TBC1D9: variants seen among roughly 807,000 people sequenced by gnomAD.
TBC1D9 encodes the protein TBC1 domain family member 9.
A neutral mutation model predicts 132.0 loss-of-function variants in TBC1D9; 63 were observed. The observed-to-expected ratio is 0.48, with a 90% CI of 0.39 to 0.59. The LOEUF (loss-of-function observed/expected upper bound fraction) is 0.59. Among genes scored for constraint, TBC1D9 ranks in the 20% least tolerant of loss-of-function variants. TBC1D9 has a pLI of 0.00. For synonymous variants in TBC1D9, 610 were observed against 609.9 expected, an observed-to-expected ratio of 1.00 and a Z score of 0.00; for missense variants, 1,261 against 1,592.7, an observed-to-expected ratio of 0.79 and a Z score of 3.54.
intron 6 of TBC1D9, among the ~76,000 whole-genome samples, chr4:140,675,660 T>C (rs555471168): frequency 5.9e-5 from 9 of 152,280 alleles, no homozygotes; most frequent in Non-Finnish European, 1.2e-4. Flanking sequence ...GGCCTGTAAA[T>C]GTATTAAAAC....
In TBC1D9 at chr4:140,719,115, AAAATAAATAAATAAAT is replaced by A. The variant is rs200581012; in HGVS notation, c.131-17517_131-17502del. On this transcript the variant is annotated intron_variant, in intron 1 of 20. Coordinates refer to ENST00000442267, the MANE Select transcript of TBC1D9 (RefSeq NM_015130.3). ...GGGCGACAGAGCAGGACTCCATCTC[AAAATAAATAAATAAAT>A]AAATAAATAAATAAATAAATAAATA... is the stretch of plus-strand genomic sequence containing the variant. Among the ~76,000 whole-genome samples the A allele has an allele frequency of 8.5e-3, 1,199 of 141,408 alleles. 11 individuals carry two copies. Among genetic ancestry groups the A allele is most frequent in the African/African-American group, 0.012 (468 of 37,790 alleles). The allele number at this position is 141,408 out of a possible 152,430, so 92.8% of individuals were successfully genotyped here. A position where few individuals can be genotyped will look rare whatever the true frequency, so the allele number is the denominator to read the frequency against.
rs1738152033 is a variant in TBC1D9 at position 140,706,357 on chromosome 4, C to G, written c.131-4743G>C. On this transcript the variant is annotated intron_variant, in intron 1 of 20. Coordinates refer to ENST00000442267, the MANE Select transcript of TBC1D9 (RefSeq NM_015130.3). This position sits in a 1 kb window ranked among gnomAD's most constrained non-coding sequence, Gnocchi z 4.0. ...AGTGGGCTCAGCTTTGGCTCACATA[C>G]CAGCCAGTCCCTTAATCTCTCTGTG... 6.6e-6 allele frequency among the ~76,000 whole-genome samples: 1 copy of G among 152,102 alleles called. No individual in the cohort carries two copies. The highest frequency in any genetic ancestry group is 2.1e-4 in the South Asian group (1 of 4,814).
rs1052947133 is a variant in TBC1D9 at position 140,657,441 on chromosome 4, T to A, written c.2207+86A>T. The A allele has an allele frequency of 2.1e-6, 3 of 1,441,134 alleles. No individual in the cohort carries two copies. In the African/African-American group the frequency reaches 4.3e-5, roughly 21 times the overall value. 89.3% of individuals were successfully genotyped at this position (1,441,134 alleles called of 1,614,324 possible). ...GAAGAAGCGGGCATTATGATCACCA[T>A]CAAATCAGTTAAGACTCATGAAATG... On this transcript the variant is annotated intron_variant, in intron 12 of 20. Coordinates refer to ENST00000442267, the MANE Select transcript of TBC1D9 (RefSeq NM_015130.3).
intron 13 of TBC1D9, chr4:140,643,512 G>A (rs1436790310): frequency 4.5e-6 from 4 of 884,062 alleles, no homozygotes; most frequent in African/African-American, 1.6e-5. Flanking sequence ...CTCCAGTCTC[G>A]GGCACTCTCC....
chr4:140,643,385 C>A, intron 13 of TBC1D9: 1 of 1,167,592 alleles, frequency 8.6e-7, no homozygotes. Context: ...TGGCCTGGGG[C>A]AGCTCCATGG....
At chr4:140,681,181 C>A (rs971351224) in intron 3 of TBC1D9, among the ~76,000 whole-genome samples, 1 of 152,158 alleles carries the variant, frequency 6.6e-6, no homozygotes, top group African/African-American at 2.4e-5. Context: ...CTGAACATGT[C>A]ATTTCTGCAC....
At chr4:140,629,965 C>G (rs977009593) in intron 16 of TBC1D9, among the ~76,000 whole-genome samples, 4 of 152,130 alleles carry the variant, frequency 2.6e-5, no homozygotes, top group Admixed American at 6.5e-5. Context: ...ATTATTACTC[C>G]TATTTTACAG....
rs74920004 is a variant in TBC1D9, at chr4:140,742,754, C to A, written c.130+13162G>T. Among the ~76,000 whole-genome samples the A allele has an allele frequency of 9.9e-5, 15 of 152,172 alleles. No individual in the cohort carries two copies. The East Asian group carries it at 2.9e-3, about 29-fold the overall frequency. On this transcript the variant is annotated intron_variant, in intron 1 of 20. Coordinates refer to ENST00000442267, the MANE Select transcript of TBC1D9 (RefSeq NM_015130.3). ...CCAAAGAGAAAAGGTGACCCCTCCT[C>A]CTGTCTTTCCCACTCCAGTCCTCTC... is the stretch of plus-strand genomic sequence containing the variant.
At chr4:140,726,724 C>A (rs904286645) in intron 1 of TBC1D9, among the ~76,000 whole-genome samples, 1 of 152,154 alleles carries the variant, frequency 6.6e-6, no homozygotes, top group Non-Finnish European at 1.5e-5. Context: ...AACTAAATCA[C>A]GACTTGATCA....
chr4:140,658,300 C>T lies in TBC1D9; in HGVS notation c.1922-488G>A, dbSNP rs527589482. ...ACACACCTAGGCTATATGGTATAGC[C>T]TATTGCTCCTAGGCTCCAAACCTGT... On this transcript the variant is annotated intron_variant, in intron 11 of 20. Coordinates refer to ENST00000442267, the MANE Select transcript of TBC1D9 (RefSeq NM_015130.3). Among the ~76,000 whole-genome samples, 3 of 152,238 alleles carry T rather than the reference C, an allele frequency of 2.0e-5. No homozygotes were observed. The South Asian group carries it at 6.2e-4, about 32-fold the overall frequency.
Position 140,622,179 on chromosome 4 carries a change from C to T in TBC1D9, c.*16G>A, listed in dbSNP as rs749994695. On this transcript the variant is annotated 3_prime_UTR_variant, in exon 21 of 21. Transcript: ENST00000442267. ...TCCCCTCCCTCTCCTCCCACTCCCCCGGGAAGGCGCCCGTGTCAGCCGGAC... is the reference window on the plus strand; with the variant it reads ...TCCCCTCCCTCTCCTCCCACTCCCCTGGGAAGGCGCCCGTGTCAGCCGGAC... The T allele has an allele frequency of 2.6e-6, 4 of 1,557,668 alleles. No homozygotes were observed. The highest frequency in any genetic ancestry group is 3.5e-6 in the Non-Finnish European group (4 of 1,143,458).
chr4:140,702,267 A>G (rs1433095418), intron 1 of TBC1D9, among the ~76,000 whole-genome samples: 1 of 152,248 alleles, frequency 6.6e-6, no homozygotes, highest in Non-Finnish European at 1.5e-5. Flanking sequence ...TACCAGGCCC[A>G]TGTGAAAACT....
intron 1 of TBC1D9, among the ~76,000 whole-genome samples, chr4:140,753,014 C>A (rs187071748): frequency 5.9e-5 from 9 of 152,212 alleles, no homozygotes; most frequent in Admixed American, 5.9e-4. Flanking sequence ...CTAACACTTA[C>A]TCTTCCCTCC....
chr4:140,702,234 C>T (rs1266131152), intron 1 of TBC1D9, among the ~76,000 whole-genome samples: 1 of 152,166 alleles, frequency 6.6e-6, no homozygotes. Context: ...TCAAGAACCC[C>T]AGTGATCCAC....
chr4:140,678,545 G>A (rs1737659388), intron 5 of TBC1D9, among the ~76,000 whole-genome samples: 1 of 152,080 alleles, frequency 6.6e-6, no homozygotes, highest in Admixed American at 6.6e-5. Flanking sequence ...TTCCCCCATC[G>A]TCATCTTCCC....
At chr4:140,723,364 C>G (rs935238281) in intron 1 of TBC1D9, among the ~76,000 whole-genome samples, 2 of 152,162 alleles carry the variant, frequency 1.3e-5, no homozygotes, top group Non-Finnish European at 2.9e-5. Flanking sequence ...GAGACATGGT[C>G]TCACTCTGTC....
chr4:140,733,667 C>A (rs576137887), intron 1 of TBC1D9, among the ~76,000 whole-genome samples: 27 of 152,208 alleles, frequency 1.8e-4, no homozygotes, highest in Admixed American at 1.6e-3. Context: ...CTTTGAGTGT[C>A]CTTGAATGAA....
At chr4:140,694,991 T>C (rs541227982) in intron 2 of TBC1D9, among the ~76,000 whole-genome samples, 44 of 152,328 alleles carry the variant, frequency 2.9e-4, no homozygotes, top group African/African-American at 1.1e-3. Flanking sequence ...GAAATAATTA[T>C]AAAAATACCT....
At chr4:140,661,846 A>C in intron 10 of TBC1D9, 47 bp downstream of exon 10, 1 of 1,485,096 alleles carries the variant, frequency 6.7e-7, no homozygotes, top group Non-Finnish European at 9.2e-7. Context: ...CCAAATGAAT[A>C]GAAATTTTAT....
Sources: gnomAD v4.1 joint callset for allele counts (sites outside exome capture counted in the v4.1 genomes callset) on GRCh38, gnomAD v4.1.1 for gene constraint, Gnocchi (gnomAD v3.1) non-coding constraint, MANE v1.5 for transcripts, NCBI Gene and HGNC (gene_info 2026-07-23, HGNC 2026-07-21) for gene names.